GRM2: variants seen among roughly 807,000 people sequenced by gnomAD.
GRM2 encodes glutamate metabotropic receptor 2, also known as metabotropic glutamate receptor 2.
A neutral mutation model predicts 60.4 loss-of-function variants in GRM2; 35 were observed. The observed-to-expected ratio is 0.58, with a 90% CI of 0.44 to 0.77. GRM2 has a LOEUF of 0.77. Among genes scored for constraint, GRM2 ranks in the 30% least tolerant of loss-of-function variants. The probability of loss-of-function intolerance (pLI) is 0.00; values close to 1 mark genes in which losing one functional copy is unlikely to be tolerated. For missense variants in GRM2, 925 were observed against 1,199.5 expected, an observed-to-expected ratio of 0.77 and a Z score of 3.38; for synonymous variants, 437 against 484.1, an observed-to-expected ratio of 0.90 and a Z score of 1.28.
At position 51,717,631 on chromosome 3, in the gene GRM2, C is replaced by G. The variant is rs1242333480; in HGVS notation, c.2365-6C>G. The G allele has an allele frequency of 6.2e-7, 1 of 1,611,492 alleles. No homozygotes were observed. Among genetic ancestry groups the G allele is most frequent in the Non-Finnish European group, 8.5e-7 (1 of 1,178,906 alleles). The stretch of plus-strand genomic sequence containing the variant: ...CTGTGCTTGTTCACCCACTCACCCA[C>G]CGCAGGTACAGACCACCACCATGTG... On this transcript the variant is annotated splice_region_variant and splice_polypyrimidine_tract_variant and intron_variant, in intron 4 of 5. Coordinates refer to ENST00000395052, the MANE Select transcript of GRM2 (RefSeq NM_000839.5). The surrounding 1 kb of genome is among the most constrained non-coding windows in gnomAD (Gnocchi z 6.0).
rs752525900 is a variant in GRM2 at position 51,713,297 on chromosome 3, C to T, written c.1275C>T (p.Asn425=). 7.5e-6 allele frequency: 12 copies of T among 1,605,306 alleles called. No homozygotes were observed. The highest frequency in any genetic ancestry group is 6.7e-5 in the East Asian group (3 of 44,678). ...GCCTCTACAAGGACTTTGTGCTCAA[C>T]GTCAAGTTTGATGGTAATGGTGTTG... ...GRRLYKDFVL[N]VKFDAPFRPA... Residue 425 remains asparagine (N), a synonymous_variant, in exon 3 of 6, where the codon AAC becomes AAT. Coordinates refer to ENST00000395052, the MANE Select transcript of GRM2 (RefSeq NM_000839.5). The surrounding 1 kb of genome is among the most constrained non-coding windows in gnomAD (Gnocchi z 4.8).
intron 2 of GRM2, among the ~76,000 whole-genome samples, chr3:51,709,821 A>C (rs1447354742): frequency 1.2e-4 from 3 of 24,642 alleles, no homozygotes; most frequent in African/African-American, 4.6e-4. Context: ...ACACCCACAC[A>C]CACACCCAGA....
At position 51,717,837 on chromosome 3, in the gene GRM2, C is replaced by T. The variant is rs368807473; in HGVS notation, c.2545+20C>T. ...GCCAAGGTCAGTGTCCTAAGCAGCCCTCTCTGCCTGTTCCCCTCTCCCTGT... is the reference window on the plus strand; with the variant it reads ...GCCAAGGTCAGTGTCCTAAGCAGCCTTCTCTGCCTGTTCCCCTCTCCCTGT... On this transcript the variant is annotated intron_variant, in intron 5 of 5. Transcript: ENST00000395052. The surrounding 1 kb of genome is among the most constrained non-coding windows in gnomAD (Gnocchi z 6.0). 1.7e-5 allele frequency: 27 copies of T among 1,608,880 alleles called. No homozygotes were observed. Among genetic ancestry groups the T allele is most frequent in the Admixed American group, 1.5e-4 (9 of 59,958 alleles).
Position 51,713,326 on chromosome 3 carries a change from A to T in GRM2, c.1288+16A>T. ...AAGTTTGATGGTAATGGTGTTGGCC[A>T]GTGTCCATTGGCCTGCTGGCTGTCA... is the stretch of plus-strand genomic sequence containing the variant. On this transcript the variant is annotated intron_variant, in intron 3 of 5. Coordinates refer to ENST00000395052, the MANE Select transcript of GRM2 (RefSeq NM_000839.5). The surrounding 1 kb of genome is among the most constrained non-coding windows in gnomAD (Gnocchi z 4.8). 6 of 1,539,556 alleles carry T rather than the reference A, an allele frequency of 3.9e-6. No homozygotes were observed. The East Asian group carries it at 1.4e-4, about 35-fold the overall frequency.
chr3:51,715,900 A>T lies in GRM2; in HGVS notation c.2127A>T (p.Thr709=). The T allele has an allele frequency of 6.2e-7, 1 of 1,613,544 alleles. No homozygotes were observed. The highest frequency in any genetic ancestry group is 2.2e-5 in the East Asian group (1 of 44,880). Residue 709 remains threonine (T), a synonymous_variant, in exon 4 of 6, where the codon ACA becomes ACT. Coordinates refer to ENST00000395052, the MANE Select transcript of GRM2 (RefSeq NM_000839.5). This position sits in a 1 kb window ranked among gnomAD's most constrained non-coding sequence, Gnocchi z 9.0. ...AGGCACCGGGCACAGGCAAGGAGAC[A>T]GCCCCCGAACGGCGGGAGGTGGTGA... ...VVEAPGTGKE[T]APERREVVTL...
Position 51,717,734 on chromosome 3 carries a change from C to T in GRM2, c.2462C>T (p.Pro821Leu). The T allele has an allele frequency of 1.9e-6, 3 of 1,614,130 alleles. No homozygotes were observed. The highest frequency in any genetic ancestry group is 2.5e-6 in the Non-Finnish European group (3 of 1,180,010). Residue 821 changes from proline to leucine, a missense_variant, in exon 5 of 6, where the codon CCG becomes CTG. By Grantham distance (98) the Pro-to-Leu change is moderately conservative. Coordinates refer to ENST00000395052, the MANE Select transcript of GRM2 (RefSeq NM_000839.5). This position sits in a 1 kb window ranked among gnomAD's most constrained non-coding sequence, Gnocchi z 6.0. ...AAGCTGCACATCATCCTCTTCCAGCCGCAGAAGAACGTGGTTAGCCACCGG... is the reference window on the plus strand; with the variant it reads ...AAGCTGCACATCATCCTCTTCCAGCTGCAGAAGAACGTGGTTAGCCACCGG... ...APKLHIILFQPQKNVVSHRAP... is the reference protein window; with the variant it reads ...APKLHIILFQLQKNVVSHRAP...
In GRM2 at chr3:51,712,631, C is replaced by T. The variant is rs1703752648; in HGVS notation, c.609C>T (p.Asn203=). The T allele has an allele frequency of 6.2e-7, 1 of 1,614,034 alleles. No homozygotes were observed. Residue 203 remains asparagine, a synonymous_variant, in exon 3 of 6, where the codon AAC becomes AAT. Coordinates refer to ENST00000395052, the MANE Select transcript of GRM2 (RefSeq NM_000839.5). This position sits in a 1 kb window ranked among gnomAD's most constrained non-coding sequence, Gnocchi z 5.3. ...TGGCTGAGATTCTCCGCTTCTTCAA[C>T]TGGACCTATGTGTCCACTGTGGCGT... ...KAMAEILRFF[N]WTYVSTVASE... is the part of the protein sequence containing the mutation.
chr3:51,713,260 T>C lies in GRM2; in HGVS notation c.1238T>C (p.Val413Ala). 6.2e-7 allele frequency: 1 copy of C among 1,612,922 alleles called. No homozygotes were observed. Among genetic ancestry groups the C allele is most frequent in the Non-Finnish European group, 8.5e-7 (1 of 1,179,944 alleles). The change falls in exon 3 of 6, where the codon GTT becomes GCT. Residue 413 changes from valine (V) to alanine (A), a missense_variant. Physicochemically the swap from Val to Ala is moderately conservative, Grantham distance 64. Transcript: ENST00000395052. This position sits in a 1 kb window ranked among gnomAD's most constrained non-coding sequence, Gnocchi z 4.8. ...CGGCTCTGTGACGCGATGCGGCCAG[T>C]TAACGGGCGCCGCCTCTACAAGGAC... ...TTRLCDAMRP[V>A]NGRRLYKDFV...
chr3:51,715,828 A>C lies in GRM2; in HGVS notation c.2055A>C (p.Ala685=). 5 of 1,613,190 alleles carry C rather than the reference A, an allele frequency of 3.1e-6. No individual in the cohort carries two copies. The highest frequency in any genetic ancestry group is 4.2e-6 in the Non-Finnish European group (5 of 1,179,898). The change falls in exon 4 of 6, where the codon GCA becomes GCC. Residue 685 remains alanine (A), a synonymous_variant. Transcript: ENST00000395052. This position sits in a 1 kb window ranked among gnomAD's most constrained non-coding sequence, Gnocchi z 9.0. The stretch of plus-strand genomic sequence containing the variant: ...CCTCACAGGTGGCCATCTGCCTGGC[A>C]CTTATCTCGGGCCAGCTGCTCATCG... The part of the protein sequence containing the change: ...SPASQVAICL[A]LISGQLLIVV...
At chr3:51,714,889 C>T (rs1190237076) in intron 3 of GRM2, 173 bp from the exon 4 acceptor site, 3 of 473,850 alleles carry the variant, frequency 6.3e-6, no homozygotes, top group Non-Finnish European at 1.1e-5. Flanking sequence ...GTTGTCATCT[C>T]TCATTTAGAA....
Position 51,715,812 on chromosome 3 carries a change from T to TGGC in GRM2, c.2040_2042dup (p.Ala681dup). The TGGC allele has an allele frequency of 6.2e-7, 1 of 1,613,536 alleles. No individual in the cohort carries two copies. ...CGCTTCATCAGTCCTGCCTCACAGG[T>TGGC]GGCCATCTGCCTGGCACTTATCTCG... On this transcript the variant is annotated inframe_insertion, in exon 4 of 6. Transcript: ENST00000395052. This position sits in a 1 kb window ranked among gnomAD's most constrained non-coding sequence, Gnocchi z 9.0.
In GRM2 at chr3:51,712,468, C is replaced by T. The variant is rs1703745887; in HGVS notation, c.451-5C>T. 6.2e-7 allele frequency: 1 copy of T among 1,600,250 alleles called. No homozygotes were observed. The highest frequency in any genetic ancestry group is 1.3e-5 in the African/African-American group (1 of 74,612). ...TGATCTTTGCCTTCTCTACTCCTCC[C>T]CCAGGTGGCCAACCTCTTGAGGCTA... On this transcript the variant is annotated splice_polypyrimidine_tract_variant and splice_region_variant and intron_variant, in intron 2 of 5. Coordinates refer to ENST00000395052, the MANE Select transcript of GRM2 (RefSeq NM_000839.5). This position sits in a 1 kb window ranked among gnomAD's most constrained non-coding sequence, Gnocchi z 5.3.
chr3:51,711,214 T>C (rs1703701389), intron 2 of GRM2: 1 of 152,194 alleles, frequency 6.6e-6, no homozygotes, highest in Non-Finnish European at 1.5e-5. Context: ...TGGAGGTGGC[T>C]AGGCAGCTGT....
chr3:51,708,188 C>T (rs1479989902), intron 1 of GRM2: 1 of 152,192 alleles, frequency 6.6e-6, no homozygotes, highest in African/African-American at 2.4e-5. Flanking sequence ...GACCTTGAGC[C>T]ACTTGGGTAC....
intron 1 of GRM2, chr3:51,707,788 A>T (rs1703561332): frequency 6.6e-6 from 1 of 152,158 alleles, no homozygotes; most frequent in Non-Finnish European, 1.5e-5. Flanking sequence ...CCTTCTTCAA[A>T]CTCAGTTTCC....
chr3:51,709,908 T>A (rs1006811226), intron 2 of GRM2, among the ~76,000 whole-genome samples: 1 of 141,228 alleles, frequency 7.1e-6, no homozygotes, highest in Admixed American at 7.1e-5. Flanking sequence ...GGTCTCCCAC[T>A]TACTAACTGC....
chr3:51,716,225 G>A lies in GRM2; in HGVS notation c.2364+88G>A. The A allele has an allele frequency of 1.1e-6, 1 of 887,588 alleles. No individual in the cohort carries two copies. Among genetic ancestry groups the A allele is most frequent in the Non-Finnish European group, 1.8e-6 (1 of 563,606 alleles). The allele number at this position is 887,588 out of a possible 1,614,324, so 55.0% of individuals were successfully genotyped here. On this transcript the variant is annotated intron_variant, in intron 4 of 5. Transcript: ENST00000395052. This position sits in a 1 kb window ranked among gnomAD's most constrained non-coding sequence, Gnocchi z 4.0. ...TTATTTAATCTACTGGTAGCTCTGG[G>A]GTTCCAAGAGGATAATGCCCACTCA...
In GRM2 at chr3:51,715,827, C is replaced by T; in HGVS notation, c.2054C>T (p.Ala685Val). 6.2e-7 allele frequency: 1 copy of T among 1,613,432 alleles called. No homozygotes were observed. The highest frequency in any genetic ancestry group is 8.5e-7 in the Non-Finnish European group (1 of 1,179,960). The change falls in exon 4 of 6, where the codon GCA becomes GTA. Residue 685 changes from alanine (A) to valine (V), a missense_variant. By Grantham distance (64) the Ala-to-Val change is moderately conservative (BLOSUM62 0). Transcript: ENST00000395052. The surrounding 1 kb of genome is among the most constrained non-coding windows in gnomAD (Gnocchi z 9.0). The stretch of plus-strand genomic sequence containing the variant: ...GCCTCACAGGTGGCCATCTGCCTGG[C>T]ACTTATCTCGGGCCAGCTGCTCATC... ...SPASQVAICLALISGQLLIVV... is the reference protein window; with the variant it reads ...SPASQVAICLVLISGQLLIVV...
Position 51,712,770 on chromosome 3 carries a change from T to A in GRM2, c.748T>A (p.Phe250Ile), listed in dbSNP as rs1703762181. ...GGGCCGTGCCATGAGCCGCGCGGCC[T>A]TTGAGGGTGTGGTGCGAGCCCTGCT... ...KVGRAMSRAA[F>I]EGVVRALLQK... is the part of the protein sequence containing the mutation. The change falls in exon 3 of 6, where the codon TTT becomes ATT. Residue 250 changes from phenylalanine to isoleucine, a missense_variant. Transcript: ENST00000395052. The surrounding 1 kb of genome is among the most constrained non-coding windows in gnomAD (Gnocchi z 5.3). The A allele has an allele frequency of 6.2e-7, 1 of 1,613,116 alleles. No homozygotes were observed. The highest frequency in any genetic ancestry group is 1.1e-5 in the South Asian group (1 of 91,078).
Sources: allele counts gnomAD v4.1 joint callset (sites outside exome capture counted in the v4.1 genomes callset), GRCh38; gene constraint gnomAD v4.1.1; non-coding constraint Gnocchi (gnomAD v3.1); transcripts MANE v1.5; gene names NCBI Gene and HGNC (gene_info 2026-07-23, HGNC 2026-07-21).